The following HEY1 variants were observed in gnomAD, a reference collection of about 807,000 sequenced individuals.
HEY1 encodes hes related family bHLH transcription factor with YRPW motif 1.
A neutral mutation model predicts 28.7 loss-of-function variants in HEY1; 9 were observed. The ratio of observed to expected loss-of-function variants is 0.31; its 90% CI spans 0.19 to 0.55. HEY1 has a LOEUF of 0.55. Ranked by LOEUF, HEY1 falls within the 20% of genes least tolerant of loss-of-function variation. HEY1 has a pLI of 0.93. For synonymous variants in HEY1, 213 were observed against 175.6 expected (o/e 1.21, Z -1.68); for missense variants, 385 against 399.4 (o/e 0.96, Z 0.31).
rs527402095 is a variant in HEY1 at position 79,765,033 on chromosome 8, A to C, written c.*155T>G. The C allele has an allele frequency of 1.2e-3, 664 of 551,580 alleles. 17 individuals carry two copies. The South Asian group carries it at 0.014, about 12-fold the overall frequency. 34.2% of individuals were successfully genotyped at this position (551,580 alleles called of 1,614,324 possible). ...TGAAAAAAACATTAAAAAAGATAAA[A>C]GTAAACCAACAAACCTTTAGTCTTT... On this transcript the variant is annotated 3_prime_UTR_variant, in exon 5 of 5. Transcript: ENST00000354724.
rs567381029 is a variant in HEY1 at position 79,765,169 on chromosome 8, C to G, written c.*19G>C. 1 of 1,506,304 alleles carries G rather than the reference C, an allele frequency of 6.6e-7. No homozygotes were observed. 93.3% of individuals were successfully genotyped at this position (1,506,304 alleles called of 1,614,324 possible). A position where few individuals can be genotyped will look rare whatever the true frequency, so the allele number is the denominator to read the frequency against. Reference sequence around the variant, plus strand: ...GCTGGGATTTTAAACTTTCCCCTCCCTCATTCTACATCAGTTCTTTAAAAA... The same window carrying G: ...GCTGGGATTTTAAACTTTCCCCTCCGTCATTCTACATCAGTTCTTTAAAAA... On this transcript the variant is annotated 3_prime_UTR_variant, in exon 5 of 5. Coordinates refer to ENST00000354724, the MANE Select transcript of HEY1 (RefSeq NM_012258.4).
chr8:79,766,381 G>C (rs780119065), intron 4 of HEY1: 5 of 1,458,876 alleles, frequency 3.4e-6, no homozygotes, highest in Non-Finnish European at 4.5e-6. Flanking sequence ...TCTGAATCAG[G>C]GCTGTCACAA....
chr8:79,765,790 G>T lies in HEY1; in HGVS notation c.332-19C>A, dbSNP rs1459843520. 6.3e-7 allele frequency: 1 copy of T among 1,583,152 alleles called. No individual in the cohort carries two copies. Among genetic ancestry groups the T allele is most frequent in the Non-Finnish European group, 8.6e-7 (1 of 1,162,530 alleles). On this transcript the variant is annotated intron_variant, in intron 4 of 4. Coordinates refer to ENST00000354724, the MANE Select transcript of HEY1 (RefSeq NM_012258.4). The stretch of plus-strand genomic sequence containing the variant: ...AAGTAACCTAAGCAAAAGAACAAAA[G>T]AAAAATCTCAGGGCTTTGCCCGTTT...
intron 3 of HEY1, 45 bp downstream of exon 3, chr8:79,766,964 G>A (rs367664484): frequency 1.3e-6 from 2 of 1,483,392 alleles, no homozygotes; most frequent in South Asian, 1.1e-5. Context: ...AGATTCAGAA[G>A]GTGCAGATAG....
intron 4 of HEY1, 161 bp downstream of exon 4, chr8:79,766,490 G>A (rs1054744853): frequency 1.3e-5 from 19 of 1,507,400 alleles, no homozygotes; most frequent in East Asian, 9.0e-5. Flanking sequence ...AAGATTCTAT[G>A]TGCATTCGAA....
At chr8:79,766,586 G>T (rs1203844207) in intron 4 of HEY1, 65 bp downstream of exon 4, 28 of 1,607,466 alleles carry the variant, frequency 1.7e-5, no homozygotes, top group Non-Finnish European at 2.3e-5. Flanking sequence ...CACCAATCCT[G>T]GCCTTCAGCC....
At chr8:79,766,169 A>C (rs1268853309) in intron 4 of HEY1, 9 of 1,490,900 alleles carry the variant, frequency 6.0e-6, no homozygotes, top group Non-Finnish European at 8.1e-6. Context: ...ACCTCAGTAA[A>C]GCATTTTCCT....
In HEY1 at chr8:79,765,657, G is replaced by C. The variant is rs1438899966; in HGVS notation, c.446C>G (p.Pro149Arg). ...SIIEGLDASD[P>R]LRVRLVSHLN... ...ATGCGAAACCAGTCGAACTCGAAGC[G>C]GGTCAGAGGCATCTAGTCCTTCAAT... The change falls in exon 5 of 5, where the codon CCG becomes CGG. Residue 149 changes from proline to arginine, a missense_variant. Physicochemically the swap from Pro to Arg is moderately radical, Grantham distance 103. Transcript: ENST00000354724. 1 of 1,614,246 alleles carries C rather than the reference G, an allele frequency of 6.2e-7. No individual in the cohort carries two copies. The highest frequency in any genetic ancestry group is 8.5e-7 in the Non-Finnish European group (1 of 1,180,042).
At chr8:79,767,333 C>T in intron 1 of HEY1, 39 bp from the exon 2 acceptor site, 1 of 1,566,686 alleles carries the variant, frequency 6.4e-7, no homozygotes, top group South Asian at 1.1e-5. Context: ...CTGAAATCGC[C>T]GTTAAACGAG....
intron 3 of HEY1, 105 bp downstream of exon 3, chr8:79,766,904 G>C: frequency 1.6e-6 from 2 of 1,243,116 alleles, no homozygotes; most frequent in Non-Finnish European, 2.3e-6. Context: ...AATTCATCTA[G>C]GCACAAGCAA....
At position 79,765,344 on chromosome 8, in the gene HEY1, A is replaced by G. The variant is rs1026271805; in HGVS notation, c.759T>C (p.Pro253=). Residue 253 remains proline (P), a synonymous_variant, in exon 5 of 5, where the codon CCT becomes CCC. Transcript: ENST00000354724. ...VVTSASKLSP[P]LLSSVASLSA... ...ACAGGGAGGCCACTGAGGAGAGCAG[A>G]GGCGGCGACAGTTTGGAGGCGGAGG... The G allele has an allele frequency of 3.8e-6, 6 of 1,576,004 alleles. No homozygotes were observed. In the African/African-American group the frequency reaches 8.1e-5, roughly 21 times the overall value.
In HEY1 at chr8:79,767,049, G is replaced by A; in HGVS notation, c.209C>T (p.Ser70Phe). The A allele has an allele frequency of 6.2e-7, 1 of 1,614,028 alleles. No individual in the cohort carries two copies. The highest frequency in any genetic ancestry group is 8.5e-7 in the Non-Finnish European group (1 of 1,180,002). ...ACTGGGTACCAGCCTTCTCAGCTCA[G>A]ACAAACTGTTATTGATCCGGTCTCG... The part of the protein sequence containing the change: ...RRRDRINNSL[S>F]ELRRLVPSAF... Residue 70 changes from serine (S) to phenylalanine (F), a missense_variant, in exon 3 of 5, where the codon TCT becomes TTT. Coordinates refer to ENST00000354724, the MANE Select transcript of HEY1 (RefSeq NM_012258.4).
chr8:79,765,357 T>G lies in HEY1; in HGVS notation c.746A>C (p.Lys249Thr), dbSNP rs779344064. 3.4e-5 allele frequency: 54 copies of G among 1,583,812 alleles called. No homozygotes were observed. The highest frequency in any genetic ancestry group is 4.6e-5 in the Non-Finnish European group (54 of 1,164,962). The change falls in exon 5 of 5, where the codon AAA becomes ACA. Residue 249 changes from lysine to threonine, a missense_variant. Physicochemically the swap from Lys to Thr is moderately conservative, Grantham distance 78. Coordinates refer to ENST00000354724, the MANE Select transcript of HEY1 (RefSeq NM_012258.4). ...TGAGGAGAGCAGAGGCGGCGACAGT[T>G]TGGAGGCGGAGGTGACCACAGGGAG... is the stretch of plus-strand genomic sequence containing the variant. ...PVLPVVTSAS[K>T]LSPPLLSSVA...
rs572139345 is a variant in HEY1 at position 79,765,377 on chromosome 8, A to T, written c.726T>A (p.Pro242=). ...ACAGTTTGGAGGCGGAGGTGACCACAGGGAGCACCGGTCCGAGGCTGCCGC... is the reference window on the plus strand; with the variant it reads ...ACAGTTTGGAGGCGGAGGTGACCACTGGGAGCACCGGTCCGAGGCTGCCGC... ...PPSGSLGPVL[P]VVTSASKLSP... is the part of the protein sequence containing the mutation. Residue 242 remains proline, a synonymous_variant, in exon 5 of 5, where the codon CCT becomes CCA. Coordinates refer to ENST00000354724, the MANE Select transcript of HEY1 (RefSeq NM_012258.4). The T allele has an allele frequency of 3.1e-5, 50 of 1,595,724 alleles. No homozygotes were observed. The highest frequency in any genetic ancestry group is 4.1e-5 in the Non-Finnish European group (48 of 1,171,092).
In HEY1 at chr8:79,766,698, T is replaced by C; in HGVS notation, c.284A>G (p.Gln95Arg). ...CATTTTCAGGTGATCCACGGTCATCTGCAGGATCTCGGCTTTTTCTAGCTT... is the reference window on the plus strand; with the variant it reads ...CATTTTCAGGTGATCCACGGTCATCCGCAGGATCTCGGCTTTTTCTAGCTT... ...SAKLEKAEIL[Q>R]MTVDHLKMLH... The change falls in exon 4 of 5, where the codon CAG becomes CGG. Residue 95 changes from glutamine to arginine, a missense_variant. Coordinates refer to ENST00000354724, the MANE Select transcript of HEY1 (RefSeq NM_012258.4). 6.2e-7 allele frequency: 1 copy of C among 1,614,264 alleles called. No homozygotes were observed. The highest frequency in any genetic ancestry group is 8.5e-7 in the Non-Finnish European group (1 of 1,180,046).
At position 79,765,562 on chromosome 8, in the gene HEY1, C is replaced by T; in HGVS notation, c.541G>A (p.Gly181Arg). The T allele has an allele frequency of 6.2e-7, 1 of 1,614,096 alleles. No individual in the cohort carries two copies. Among genetic ancestry groups the T allele is most frequent in the Non-Finnish European group, 8.5e-7 (1 of 1,180,048 alleles). Residue 181 changes from glycine (G) to arginine (R), a missense_variant, in exon 5 of 5, where the codon GGG becomes AGG. Coordinates refer to ENST00000354724, the MANE Select transcript of HEY1 (RefSeq NM_012258.4). ...AHAGLGHIPWGTVFGHHPHIA... is the reference protein window; with the variant it reads ...AHAGLGHIPWRTVFGHHPHIA... ...TGCGGGTGATGTCCGAAGACGGTCC[C>T]CCAGGGAATGTGTCCGAGGCCCGCG...
Position 79,765,368 on chromosome 8 carries a change from G to C in HEY1, c.735C>G (p.Thr245=). 6.3e-7 allele frequency: 1 copy of C among 1,589,814 alleles called. No homozygotes were observed. The highest frequency in any genetic ancestry group is 8.6e-7 in the Non-Finnish European group (1 of 1,168,072). ...GSLGPVLPVV[T]SASKLSPPLL... is the part of the protein sequence containing the mutation. ...GAGGCGGCGACAGTTTGGAGGCGGA[G>C]GTGACCACAGGGAGCACCGGTCCGA... The change falls in exon 5 of 5, where the codon ACC becomes ACG. Residue 245 remains threonine, a synonymous_variant. Transcript: ENST00000354724.
chr8:79,765,241 C>A lies in HEY1; in HGVS notation c.862G>T (p.Ala288Ser), dbSNP rs774080653. The A allele has an allele frequency of 1.9e-6, 3 of 1,553,600 alleles. No homozygotes were observed. Among genetic ancestry groups the A allele is most frequent in the Admixed American group, 3.9e-5 (2 of 51,096 alleles). ...GGTCTATAGGGCTTGCCAAGGTTTGCAGCCTGCGTGGGTGCTGAAGGGCTC... is the reference window on the plus strand; with the variant it reads ...GGTCTATAGGGCTTGCCAAGGTTTGAAGCCTGCGTGGGTGCTGAAGGGCTC... Reference protein sequence around the residue: ...ALSPSAPTQAANLGKPYRPWG... With the variant: ...ALSPSAPTQASNLGKPYRPWG... Residue 288 changes from alanine (A) to serine (S), a missense_variant, in exon 5 of 5, where the codon GCA (alanine) becomes TCA (serine). Ala to Ser is a moderately conservative substitution (Grantham distance 99). Around this residue, in one of 3 missense-constraint regions of HEY1, gnomAD observed 223 missense variants for 215.9 expected, o/e 1.03. Transcript: ENST00000354724.
chr8:79,766,181 C>T, intron 4 of HEY1: 1 of 1,515,482 alleles, frequency 6.6e-7, no homozygotes, highest in Non-Finnish European at 8.8e-7. Context: ...CATTTTCCTG[C>T]TGGAGAGACA....
Sources: gnomAD v4.1 joint callset for allele counts on GRCh38, gnomAD v4.1.1 for gene constraint, gnomAD v4.1.1 regional missense constraint, MANE v1.5 for transcripts, NCBI Gene and HGNC (gene_info 2026-07-23, HGNC 2026-07-21) for gene names.